Variants in NRG1 observed in about 807,000 individuals in gnomAD.
NRG1 encodes the protein pro-neuregulin-1, membrane-bound isoform.
NRG1 carries 18 observed loss-of-function variants against 63.8 expected under a neutral mutation model. The ratio of observed to expected loss-of-function variants is 0.28; its 90% confidence interval spans 0.19 to 0.42. The LOEUF is 0.42. Among genes scored for constraint, NRG1 ranks in the 10% least tolerant of loss-of-function variants. The probability of loss-of-function intolerance (pLI) is 1.00; values close to 1 mark genes in which losing one functional copy is unlikely to be tolerated. For missense variants in NRG1, 762 were observed against 814.7 expected (o/e 0.94, Z 0.79); for synonymous variants, 302 against 301.3 (o/e 1.00, Z -0.02).
intron 2 of NRG1, 115 bp from the exon 3 acceptor site, chr8:32,605,447 A>G (rs1237531490): frequency 2.5e-5 from 29 of 1,143,216 alleles, no homozygotes; most frequent in Non-Finnish European, 3.6e-5. Context: ...ATTTTAACAT[A>G]TGTATAAGGT....
intron 1 of NRG1, among the ~76,000 whole-genome samples, chr8:31,881,775 C>T (rs1157150428): frequency 6.6e-6 from 1 of 152,102 alleles, no homozygotes; most frequent in Non-Finnish European, 1.5e-5. Context: ...GGAGATCAGC[C>T]ACAACATTCT....
At chr8:32,078,326 C>A (rs1361056255) in intron 1 of NRG1, among the ~76,000 whole-genome samples, 1 of 152,200 alleles carries the variant, frequency 6.6e-6, no homozygotes, top group Non-Finnish European at 1.5e-5. Context: ...GTCTATTCCT[C>A]CTTCACCTTC....
At position 32,377,162 on chromosome 8, in the gene NRG1, A is replaced by C. The variant is rs73674673; in HGVS notation, c.38-218666A>C. 5.9e-3 allele frequency among the ~76,000 whole-genome samples: 897 copies of C among 152,334 alleles called. 10 individuals carry two copies. The highest frequency in any genetic ancestry group is 0.021 in the African/African-American group (859 of 41,588). The stretch of plus-strand genomic sequence containing the variant: ...GCCCAGTGCACATAGAGTGTTCAAC[A>C]TTTGAGTGGCTCAATTCACCCAAGA... On this transcript the variant is annotated intron_variant, in intron 1 of 10. Coordinates refer to the NRG1 transcript ENST00000519301.
intron 1 of NRG1, among the ~76,000 whole-genome samples, chr8:31,827,396 CT>C (rs1264432587): frequency 2.6e-5 from 4 of 151,054 alleles, no homozygotes; most frequent in African/African-American, 7.3e-5. Context: ...GAAAATGGGC[CT>C]TTTTTTTTCC....
Position 32,330,885 on chromosome 8 carries a change from A to G in NRG1, c.38-264943A>G, listed in dbSNP as rs114778395. On this transcript the variant is annotated intron_variant, in intron 1 of 10. Transcript: ENST00000519301. ...AATGAGAGTATTTTTATATTTGGCT[A>G]CCCATGACATTTATTCTCTTCTGAT... Among the ~76,000 whole-genome samples, 1,072 of 152,220 alleles carry G rather than the reference A, an allele frequency of 7.0e-3. 15 individuals carry two copies. The highest frequency in any genetic ancestry group is 0.024 in the African/African-American group (991 of 41,566).
intron 1 of NRG1, among the ~76,000 whole-genome samples, chr8:31,905,029 TA>T (rs74273884): frequency 0.19 from 29,290 of 150,914 alleles, 3,980 homozygotes; most frequent in African/African-American, 0.38. Flanking sequence ...AAAGTTTTTT[TA>T]AAAAAAAATA....
intron 1 of NRG1, among the ~76,000 whole-genome samples, chr8:32,556,433 A>G (rs929442137): frequency 6.6e-6 from 1 of 152,228 alleles, no homozygotes; most frequent in African/African-American, 2.4e-5. Flanking sequence ...AGTTTCCACC[A>G]TAAAATATGA....
chr8:32,641,630 TA>T (rs978178013), intron 5 of NRG1, among the ~76,000 whole-genome samples: 2 of 152,238 alleles, frequency 1.3e-5, no homozygotes, highest in Non-Finnish European at 2.9e-5. Flanking sequence ...ACAGAGGATC[TA>T]AACTCATAAA....
At chr8:32,747,991 A>T (rs1433038400) in intron 7 of NRG1, among the ~76,000 whole-genome samples, 1 of 151,948 alleles carries the variant, frequency 6.6e-6, no homozygotes, top group Non-Finnish European at 1.5e-5. Flanking sequence ...ATGTGTTTGC[A>T]TAAGAAATAT....
At chr8:32,754,774 G>A (rs1343501766) in intron 8 of NRG1, among the ~76,000 whole-genome samples, 1 of 152,092 alleles carries the variant, frequency 6.6e-6, no homozygotes, top group African/African-American at 2.4e-5. Context: ...ACAGAATGAA[G>A]GCACCTCATT....
intron 1 of NRG1, among the ~76,000 whole-genome samples, chr8:31,809,194 C>T (rs946682481): frequency 2.6e-5 from 4 of 151,328 alleles, no homozygotes; most frequent in East Asian, 1.9e-4. Flanking sequence ...TTGGAATTTG[C>T]TCATTATTCT....
chr8:31,857,735 A>G (rs981776267), intron 1 of NRG1, among the ~76,000 whole-genome samples: 2 of 152,170 alleles, frequency 1.3e-5, no homozygotes, highest in African/African-American at 2.4e-5. Flanking sequence ...TGTTTATTTT[A>G]TTTTTATTTT....
At chr8:31,822,111 A>G (rs534274048) in intron 1 of NRG1, among the ~76,000 whole-genome samples, 1 of 152,328 alleles carries the variant, frequency 6.6e-6, no homozygotes, top group South Asian at 2.1e-4. Flanking sequence ...GGACATGACA[A>G]ACAAAAAGCT....
intron 1 of NRG1, among the ~76,000 whole-genome samples, chr8:32,218,399 G>C (rs1479729451): frequency 6.6e-6 from 1 of 152,120 alleles, no homozygotes; most frequent in African/African-American, 2.4e-5. Flanking sequence ...CTCCTACCAC[G>C]TGGCATCACG....
intron 5 of NRG1, among the ~76,000 whole-genome samples, chr8:32,685,028 T>G (rs1809720380): frequency 6.6e-6 from 1 of 152,152 alleles, no homozygotes; most frequent in African/African-American, 2.4e-5. Context: ...AATGGTAACA[T>G]TCTGCAAAAC....
chr8:32,518,253 G>A (rs2129504647), intron 1 of NRG1, among the ~76,000 whole-genome samples: 1 of 152,236 alleles, frequency 6.6e-6, no homozygotes, highest in African/African-American at 2.4e-5. Context: ...GTCACCTATT[G>A]CTATGATGCT....
chr8:31,752,612 C>T (rs775281263), intron 1 of NRG1, among the ~76,000 whole-genome samples: 5 of 151,924 alleles, frequency 3.3e-5, no homozygotes, highest in East Asian at 3.9e-4. Context: ...AAGTCACAGC[C>T]GTTGGGATTT....
intron 1 of NRG1, among the ~76,000 whole-genome samples, chr8:32,326,732 A>G (rs1802073073): frequency 6.6e-6 from 1 of 152,134 alleles, no homozygotes. Flanking sequence ...CCTAAAACTG[A>G]ATTTTTAAAA....
rs367543156 is a variant in NRG1 at position 31,640,296 on chromosome 8, G to A, written c.37+865G>A. 3.2e-4 allele frequency: 357 copies of A among 1,132,770 alleles called. 1 individual carries two copies. In the African/African-American group the frequency reaches 5.5e-3, roughly 17 times the overall value. 70.2% of individuals were successfully genotyped at this position (1,132,770 alleles called of 1,614,324 possible). On this transcript the variant is annotated intron_variant, in intron 1 of 10. Coordinates refer to the NRG1 transcript ENST00000519301. This position sits in a 1 kb window ranked among gnomAD's most constrained non-coding sequence, Gnocchi z 6.3. ...CACTCGACAGGAAGGCGGCGGCGGC[G>A]GCGGGCGAGGCAGGGGCGTGGGGCG... is the stretch of plus-strand genomic sequence containing the variant.
Sources: allele counts gnomAD v4.1 joint callset (sites outside exome capture counted in the v4.1 genomes callset), GRCh38; gene constraint gnomAD v4.1.1; non-coding constraint Gnocchi (gnomAD v3.1); transcripts MANE v1.5; gene names NCBI Gene and HGNC (gene_info 2026-07-23, HGNC 2026-07-21).